The following AASDH variants were observed in gnomAD, a reference collection of about 807,000 sequenced individuals.
AASDH encodes the protein beta-alanine-activating enzyme.
In AASDH, 81 loss-of-function variants were observed where a neutral mutation model predicts 102.3. The observed-to-expected ratio is 0.79, with a 90% CI of 0.66 to 0.95. The LOEUF is 0.95. Among genes scored for constraint, AASDH ranks in the 40% least tolerant of loss-of-function variants. AASDH has a pLI of 0.00. For synonymous variants in AASDH, 398 were observed against 454.0 expected, an observed-to-expected ratio of 0.88 and a Z score of 1.57; for missense variants, 1,203 against 1,266.2, an observed-to-expected ratio of 0.95 and a Z score of 0.76.
At chr4:56,350,410 C>A (rs912599267) in intron 10 of AASDH, among the ~76,000 whole-genome samples, 3 of 151,928 alleles carry the variant, frequency 2.0e-5, no homozygotes, top group African/African-American at 7.3e-5. Context: ...GCCAAGATTG[C>A]GCCACTGCAC....
At chr4:56,350,087 G>A (rs1181561355) in intron 10 of AASDH, 29 bp from the exon 11 acceptor site, 2 of 1,514,662 alleles carry the variant, frequency 1.3e-6, no homozygotes, top group African/African-American at 2.8e-5. Flanking sequence ...AGAAATATGT[G>A]ACGTAAAGGT....
At chr4:56,382,959 A>C (rs1753150860) in intron 2 of AASDH, among the ~76,000 whole-genome samples, 1 of 152,240 alleles carries the variant, frequency 6.6e-6, no homozygotes, top group Non-Finnish European at 1.5e-5. Context: ...TGGGAGGTTG[A>C]AGCAGGAGAA....
At chr4:56,361,703 C>G (rs1175260710) in intron 5 of AASDH, among the ~76,000 whole-genome samples, 1 of 152,184 alleles carries the variant, frequency 6.6e-6, no homozygotes, top group Non-Finnish European at 1.5e-5. Context: ...TGCATGGTGG[C>G]TCATGCCTGT....
chr4:56,380,092 A>T (rs1443009292), intron 3 of AASDH, among the ~76,000 whole-genome samples: 1 of 152,210 alleles, frequency 6.6e-6, no homozygotes, highest in African/African-American at 2.4e-5. Context: ...ATTCGGATAT[A>T]CTATATGGTC....
At chr4:56,369,420 T>C (rs921482407) in intron 5 of AASDH, among the ~76,000 whole-genome samples, 2 of 152,176 alleles carry the variant, frequency 1.3e-5, no homozygotes, top group Non-Finnish European at 2.9e-5. Context: ...ACAGAATTCA[T>C]GGAATGACTC....
At chr4:56,361,011 T>G (rs1750223948) in intron 5 of AASDH, among the ~76,000 whole-genome samples, 1 of 152,226 alleles carries the variant, frequency 6.6e-6, no homozygotes, top group Non-Finnish European at 1.5e-5. Context: ...TGGCTCTTCA[T>G]TTTCACTAAG....
At chr4:56,356,371 T>C in intron 5 of AASDH, 2 of 1,588,634 alleles carry the variant, frequency 1.3e-6, no homozygotes, top group South Asian at 1.1e-5. Flanking sequence ...CCTCCTGCGA[T>C]TAACCAGTTC....
chr4:56,338,668 G>C lies in AASDH; in HGVS notation c.3031C>G (p.Gln1011Glu), dbSNP rs938946749. 6.2e-7 allele frequency: 1 copy of C among 1,614,070 alleles called. No individual in the cohort carries two copies. The highest frequency in any genetic ancestry group is 1.3e-5 in the African/African-American group (1 of 74,938). The change falls in exon 15 of 15, where the codon CAG (glutamine) becomes GAG (glutamate). Residue 1011 changes from glutamine to glutamate, a missense_variant. Gln to Glu is a conservative substitution (Grantham distance 29). Coordinates refer to ENST00000205214, the MANE Select transcript of AASDH (RefSeq NM_181806.4). ...IYCCNMKGHL[Q>E]WKFETTSRVY... The stretch of plus-strand genomic sequence containing the variant: ...CTTGAAGTAGTTTCAAATTTCCACT[G>C]CAGGTGACCTTTCATGTTACAACAG...
intron 7 of AASDH, 89 bp from the exon 8 acceptor site, chr4:56,354,300 T>C: frequency 8.4e-7 from 1 of 1,183,652 alleles, no homozygotes; most frequent in Admixed American, 3.0e-5. Flanking sequence ...GTTCAGTGAC[T>C]AAACTTCAAA....
At chr4:56,374,393 A>G (rs1215538096) in intron 4 of AASDH, among the ~76,000 whole-genome samples, 5 of 144,374 alleles carry the variant, frequency 3.5e-5, no homozygotes, top group Non-Finnish European at 7.6e-5. Context: ...AAAAAAAAGG[A>G]CATTTGAGAT....
chr4:56,338,689 A>G lies in AASDH; in HGVS notation c.3010T>C (p.Cys1004Arg). The G allele has an allele frequency of 6.2e-7, 1 of 1,614,216 alleles. No homozygotes were observed. The highest frequency in any genetic ancestry group is 1.1e-5 in the South Asian group (1 of 91,086). Residue 1004 changes from cysteine (C) to arginine (R), a missense_variant, in exon 15 of 15, where the codon TGT (cysteine) becomes CGT (arginine). By Grantham distance (180) the Cys-to-Arg change is radical. Coordinates refer to ENST00000205214, the MANE Select transcript of AASDH (RefSeq NM_181806.4). ...CACTGCAGGTGACCTTTCATGTTAC[A>G]ACAGTAGATAAAGCAATCATGGGAA... ...FGSHDCFIYCCNMKGHLQWKF... is the reference protein window; with the variant it reads ...FGSHDCFIYCRNMKGHLQWKF...
In AASDH at chr4:56,354,782, G is replaced by A. The variant is rs1275326819; in HGVS notation, c.1133C>T (p.Pro378Leu). 5.6e-6 allele frequency: 9 copies of A among 1,609,844 alleles called. No individual in the cohort carries two copies. The highest frequency in any genetic ancestry group is 7.6e-6 in the Non-Finnish European group (9 of 1,178,252). Reference protein sequence around the residue: ...KCELPVQLGFPLLGTVVEVRD... With the variant: ...KCELPVQLGFLLLGTVVEVRD... Reference sequence around the variant, plus strand: ...GACTTCAACTACTGTTCCAAGAAGTGGAAATCCCAGTTGTACAGGCAATTC... The same window carrying A: ...GACTTCAACTACTGTTCCAAGAAGTAGAAATCCCAGTTGTACAGGCAATTC... Residue 378 changes from proline to leucine, a missense_variant, in exon 7 of 15, where the codon CCA becomes CTA. By Grantham distance (98) the Pro-to-Leu change is moderately conservative. Coordinates refer to ENST00000205214, the MANE Select transcript of AASDH (RefSeq NM_181806.4).
chr4:56,356,600 T>C (rs1749668506), intron 5 of AASDH: 5 of 725,750 alleles, frequency 6.9e-6, no homozygotes, highest in Non-Finnish European at 1.3e-5. Flanking sequence ...CAGCTGGTGG[T>C]GACTGCACAC....
chr4:56,351,822 G>A (rs1749047621), intron 9 of AASDH, among the ~76,000 whole-genome samples: 1 of 151,438 alleles, frequency 6.6e-6, no homozygotes, highest in African/African-American at 2.4e-5. Context: ...GCTTAGATGG[G>A]AGGATCACTT....
chr4:56,359,218 T>C (rs1321981291), intron 5 of AASDH, among the ~76,000 whole-genome samples: 1 of 152,042 alleles, frequency 6.6e-6, no homozygotes, highest in East Asian at 1.9e-4. Flanking sequence ...TGCTTAGTTG[T>C]TTATTAAAAA....
intron 4 of AASDH, among the ~76,000 whole-genome samples, chr4:56,371,898 A>G (rs11722404): frequency 0.36 from 54,556 of 152,080 alleles, 10,292 homozygotes; most frequent in Non-Finnish European, 0.43. Flanking sequence ...TGATGTGTCA[A>G]CTTGGTTTGA....
At chr4:56,383,161 G>C (rs1753172371) in intron 2 of AASDH, among the ~76,000 whole-genome samples, 1 of 130,134 alleles carries the variant, frequency 7.7e-6, no homozygotes, top group Non-Finnish European at 1.8e-5. Context: ...AGAAATACAA[G>C]ATTTTTTTAA....
intron 6 of AASDH, 86 bp downstream of exon 6, chr4:56,355,096 C>A: frequency 4.2e-6 from 6 of 1,443,296 alleles, no homozygotes; most frequent in Non-Finnish European, 5.6e-6. Flanking sequence ...AATTATTACC[C>A]CAGCACCTAT....
chr4:56,346,357 A>G (rs1748329123), intron 11 of AASDH, among the ~76,000 whole-genome samples: 1 of 152,176 alleles, frequency 6.6e-6, no homozygotes. Context: ...ACAAAGAGAA[A>G]TGTCCTACAT....
Sources: allele counts gnomAD v4.1 joint callset (sites outside exome capture counted in the v4.1 genomes callset), GRCh38; gene constraint gnomAD v4.1.1; transcripts MANE v1.5; gene names NCBI Gene and HGNC (gene_info 2026-07-23, HGNC 2026-07-21).